ARHGAP35: variants seen among roughly 807,000 people sequenced by gnomAD.
ARHGAP35 encodes rho GTPase-activating protein 35.
ARHGAP35 carries 15 observed loss-of-function variants against 111.1 expected under a neutral mutation model. The observed-to-expected ratio is 0.13, with a 90% CI of 0.09 to 0.21. The LOEUF (loss-of-function observed/expected upper bound fraction) is 0.21. ARHGAP35 is among the 10% of genes least tolerant of loss of function. ARHGAP35 has a pLI of 1.00. For synonymous variants in ARHGAP35, 643 were observed against 710.3 expected, an observed-to-expected ratio of 0.91 and a Z score of 1.51; for missense variants, 1,262 against 1,873.0, an observed-to-expected ratio of 0.67 and a Z score of 6.02.
At position 47,003,064 on chromosome 19, in the gene ARHGAP35, C is replaced by T. The variant is rs554848290; in HGVS notation, c.*2376C>T. The T allele has an allele frequency of 6.6e-6, 1 of 152,362 alleles. No individual in the cohort carries two copies. The highest frequency in any genetic ancestry group is 1.5e-5 in the Non-Finnish European group (1 of 68,144). The allele number at this position is 152,362 out of a possible 1,614,324, so 9.4% of individuals were successfully genotyped here. A position where few individuals can be genotyped will look rare whatever the true frequency, so the allele number is the denominator to read the frequency against. On this transcript the variant is annotated 3_prime_UTR_variant, in exon 7 of 7. Transcript: ENST00000672722. The stretch of plus-strand genomic sequence containing the variant: ...CCATGCACAGGAAGCCACAGGGTTC[C>T]TCTTGTTTCCCCCGCTAACTTCAGC...
rs3915988 is a variant in ARHGAP35, at chr19:46,979,805, A to G, written c.3827-8184A>G. 7.9e-3 allele frequency among the ~76,000 whole-genome samples: 1,207 copies of G among 152,234 alleles called. 20 individuals carry two copies. The highest frequency in any genetic ancestry group is 0.028 in the African/African-American group (1,165 of 41,536). ...TAGTGGCCTTCTATCATGGGGGGAA[A>G]GTCTGGCACAGGAAGAAGCAGGTCT... On this transcript the variant is annotated intron_variant, in intron 3 of 6. Coordinates refer to ENST00000672722, the MANE Select transcript of ARHGAP35 (RefSeq NM_004491.5).
rs75930765 is a variant in ARHGAP35 at position 46,893,886 on chromosome 19, C to CTT, written c.-188-24584_-188-24583dup. Among the ~76,000 whole-genome samples the CTT allele has an allele frequency of 5.2e-3, 638 of 122,326 alleles. 7 individuals carry two copies. The highest frequency in any genetic ancestry group is 7.6e-3 in the African/African-American group (249 of 32,846). 80.3% of individuals were successfully genotyped at this position (122,326 alleles called of 152,430 possible). A position where few individuals can be genotyped will look rare whatever the true frequency, so the allele number is the denominator to read the frequency against. On this transcript the variant is annotated intron_variant, in intron 1 of 6. Transcript: ENST00000672722. ...ATAAGTTCGTTCGTTCGTTCTTTCT[C>CTT]TTTTTTTTTTTTTTTTTTTAAGATT... is the stretch of plus-strand genomic sequence containing the variant.
Position 46,919,237 on chromosome 19 carries a change from C to T in ARHGAP35, c.562C>T (p.Leu188Phe). Reference sequence around the variant, plus strand: ...GTTTGTCTCCAATCTCTACAATCAGCTTGCAAAAACAAAAAAGCCCATAGT... The same window carrying T: ...GTTTGTCTCCAATCTCTACAATCAGTTTGCAAAAACAAAAAAGCCCATAGT... ...LKFVSNLYNQ[L>F]AKTKKPIVVV... Residue 188 changes from leucine (L) to phenylalanine (F), a missense_variant, in exon 2 of 7, where the codon CTT becomes TTT. By Grantham distance (22) the Leu-to-Phe change is conservative (BLOSUM62 0). This residue lies in a region of ARHGAP35 where 125 missense variants were observed against 301.7 expected (regional missense o/e 0.41). Transcript: ENST00000672722. The surrounding 1 kb of genome is among the most constrained non-coding windows in gnomAD (Gnocchi z 6.2). The T allele has an allele frequency of 6.2e-7, 1 of 1,613,734 alleles. No homozygotes were observed. Among genetic ancestry groups the T allele is most frequent in the Non-Finnish European group, 8.5e-7 (1 of 1,179,848 alleles).
chr19:46,998,154 C>G (rs982215950), intron 5 of ARHGAP35, among the ~76,000 whole-genome samples: 1 of 152,026 alleles, frequency 6.6e-6, no homozygotes, highest in African/African-American at 2.4e-5. Flanking sequence ...GGAGTCCGCA[C>G]CCCTCCCGGA....
chr19:46,902,978 T>C, intron 1 of ARHGAP35, among the ~76,000 whole-genome samples: 1 of 152,160 alleles, frequency 6.6e-6, no homozygotes, highest in South Asian at 2.1e-4. Flanking sequence ...AGATTATATA[T>C]GTTTCTGTGC....
At chr19:46,972,662 A>T (rs1003107281) in intron 3 of ARHGAP35, among the ~76,000 whole-genome samples, 4 of 152,152 alleles carry the variant, frequency 2.6e-5, no homozygotes, top group Non-Finnish European at 5.9e-5. Context: ...ACTTGCACAT[A>T]TTAAAAGAGA....
intron 1 of ARHGAP35, among the ~76,000 whole-genome samples, chr19:46,892,317 GAAAA>G (rs932197140): frequency 1.5e-5 from 2 of 130,156 alleles, no homozygotes; most frequent in Non-Finnish European, 3.3e-5. Context: ...AAAAAAAAAA[GAAAA>G]AAAAAAAGCC....
chr19:46,960,695 C>A (rs1222347730), intron 3 of ARHGAP35, among the ~76,000 whole-genome samples: 1 of 152,058 alleles, frequency 6.6e-6, no homozygotes, highest in Non-Finnish European at 1.5e-5. Flanking sequence ...TTAAATTGTA[C>A]CTTCCAGAGC....
In ARHGAP35 at chr19:46,989,998, G is replaced by A. The variant is rs552392720; in HGVS notation, c.4036+323G>A. ...CCTTCCCTGCCCCTTGTGTCCTGCC[G>A]TTGTTACCATCCCTACTCCTGCGGA... On this transcript the variant is annotated intron_variant, in intron 5 of 6. Coordinates refer to ENST00000672722, the MANE Select transcript of ARHGAP35 (RefSeq NM_004491.5). The surrounding 1 kb of genome is among the most constrained non-coding windows in gnomAD (Gnocchi z 5.3). Among the ~76,000 whole-genome samples, 9 of 152,282 alleles carry A rather than the reference G, an allele frequency of 5.9e-5. No individual in the cohort carries two copies. Among genetic ancestry groups the A allele is most frequent in the Admixed American group, 2.0e-4 (3 of 15,298 alleles).
chr19:46,930,773 T>C (rs2056268281), intron 2 of ARHGAP35, among the ~76,000 whole-genome samples: 1 of 151,940 alleles, frequency 6.6e-6, no homozygotes, highest in South Asian at 2.1e-4. Context: ...TAGCTGGTAC[T>C]TGCTCATGTG....
At chr19:46,967,385 C>A (rs1480553201) in intron 3 of ARHGAP35, among the ~76,000 whole-genome samples, 1 of 152,152 alleles carries the variant, frequency 6.6e-6, no homozygotes, top group Non-Finnish European at 1.5e-5. Flanking sequence ...TCCCTTGTTA[C>A]CTTCCCACAC....
Position 46,994,768 on chromosome 19 carries a change from G to C in ARHGAP35, c.4037-4536G>C, listed in dbSNP as rs997917574. Among the ~76,000 whole-genome samples the C allele has an allele frequency of 6.6e-6, 1 of 152,126 alleles. No homozygotes were observed. Among genetic ancestry groups the C allele is most frequent in the African/African-American group, 2.4e-5 (1 of 41,426 alleles). On this transcript the variant is annotated intron_variant, in intron 5 of 6. Coordinates refer to ENST00000672722, the MANE Select transcript of ARHGAP35 (RefSeq NM_004491.5). This position sits in a 1 kb window ranked among gnomAD's most constrained non-coding sequence, Gnocchi z 5.4. ...TACTGCATCCCCAGTGTGTAAAATA[G>C]TACCCAGGCAGGAGCGGGTCCCCGT... is the stretch of plus-strand genomic sequence containing the variant.
At chr19:46,950,636 T>C (rs1364653764) in intron 3 of ARHGAP35, among the ~76,000 whole-genome samples, 1 of 152,220 alleles carries the variant, frequency 6.6e-6, no homozygotes, top group Non-Finnish European at 1.5e-5. Context: ...GGAGTGATTC[T>C]GGCAGGGTGA....
intron 1 of ARHGAP35, among the ~76,000 whole-genome samples, chr19:46,898,211 C>T (rs1360501311): frequency 1.3e-5 from 2 of 149,300 alleles, no homozygotes. Flanking sequence ...CACTGCACTC[C>T]AGCCTGGCTA....
At chr19:46,974,940 G>A (rs1016745320) in intron 3 of ARHGAP35, among the ~76,000 whole-genome samples, 1 of 152,058 alleles carries the variant, frequency 6.6e-6, no homozygotes, top group African/African-American at 2.4e-5. Flanking sequence ...GCACGATCTC[G>A]GCTCACTGCA....
At position 46,927,170 on chromosome 19, in the gene ARHGAP35, C is replaced by T. The variant is rs138599897; in HGVS notation, c.3681+4814C>T. ...AAACGAGGTACTTTTGTTTCCAAGC[C>T]GAAGTTCAGTCATTCTTTTAGGAAG... On this transcript the variant is annotated intron_variant, in intron 2 of 6. Coordinates refer to ENST00000672722, the MANE Select transcript of ARHGAP35 (RefSeq NM_004491.5). Among the ~76,000 whole-genome samples the T allele has an allele frequency of 7.9e-5, 12 of 152,274 alleles. No individual in the cohort carries two copies. In the South Asian group the frequency reaches 8.3e-4, roughly 11 times the overall value.
intron 2 of ARHGAP35, among the ~76,000 whole-genome samples, chr19:46,932,407 G>A (rs1471568086): frequency 6.6e-6 from 1 of 152,200 alleles, no homozygotes; most frequent in Non-Finnish European, 1.5e-5. Context: ...GAAGAAGATG[G>A]ATGTTGGGTG....
chr19:47,003,387 G>C lies in ARHGAP35; in HGVS notation c.*2699G>C, dbSNP rs960798216. On this transcript the variant is annotated 3_prime_UTR_variant, in exon 7 of 7. Transcript: ENST00000672722. ...GCGTTGGCTTGTCCAGAATGGGGACGTGGGGCAGCCACCCCTGCCCAGCGA... is the reference window on the plus strand; with the variant it reads ...GCGTTGGCTTGTCCAGAATGGGGACCTGGGGCAGCCACCCCTGCCCAGCGA... 4.6e-5 allele frequency: 7 copies of C among 152,338 alleles called. No individual in the cohort carries two copies. Among genetic ancestry groups the C allele is most frequent in the Non-Finnish European group, 1.0e-4 (7 of 68,152 alleles). The allele number at this position is 152,338 out of a possible 1,614,324, so 9.4% of individuals were successfully genotyped here.
At chr19:46,952,822 G>A (rs1360421999) in intron 3 of ARHGAP35, among the ~76,000 whole-genome samples, 1 of 152,204 alleles carries the variant, frequency 6.6e-6, no homozygotes, top group African/African-American at 2.4e-5. Flanking sequence ...GGGACCACAG[G>A]TGTGTGCCAC....
Sources: gnomAD v4.1 joint callset for allele counts (sites outside exome capture counted in the v4.1 genomes callset) on GRCh38, gnomAD v4.1.1 for gene constraint, gnomAD v4.1.1 regional missense constraint, Gnocchi (gnomAD v3.1) non-coding constraint, MANE v1.5 for transcripts, NCBI Gene and HGNC (gene_info 2026-07-23, HGNC 2026-07-21) for gene names.